Variants in FANCM observed in about 807,000 individuals in gnomAD.
The protein encoded by FANCM is FA complementation group M.
Under a neutral mutation model 199.5 loss-of-function variants are expected in FANCM, and 140 were observed. That is an observed-to-expected ratio of 0.70 (90% confidence interval 0.61 to 0.81). The LOEUF is 0.81. FANCM is among the 30% of genes least tolerant of loss of function. The pLI is 0.00. For synonymous variants in FANCM, 840 were observed against 836.8 expected (o/e 1.00, Z -0.07); for missense variants, 2,410 against 2,421.4 (o/e 1.00, Z 0.10).
chr14:45,170,773 CT>C (rs748836838), intron 12 of FANCM, 27 bp downstream of exon 12: 57 of 1,587,810 alleles, frequency 3.6e-5, no homozygotes, highest in South Asian at 2.0e-4. Flanking sequence ...TTCAGATGTT[CT>C]TTTCCCCCCC....
At chr14:45,194,214 A>G (rs1889930211) in intron 20 of FANCM, among the ~76,000 whole-genome samples, 1 of 151,434 alleles carries the variant, frequency 6.6e-6, no homozygotes. Flanking sequence ...AGGCAGGAGA[A>G]TGGCTTGAAC....
rs764193249 is a variant in FANCM at position 45,200,043 on chromosome 14, T to A, written c.*35T>A. On this transcript the variant is annotated 3_prime_UTR_variant, in exon 23 of 23. Transcript: ENST00000267430. ...TCAAGATGGGGTTTTCAAAGACCTC[T>A]CACAATATTAAATGCACTTCAATAA... 1 of 1,514,216 alleles carries A rather than the reference T, an allele frequency of 6.6e-7. No individual in the cohort carries two copies. Among genetic ancestry groups the A allele is most frequent in the East Asian group, 2.3e-5 (1 of 43,754 alleles). 93.8% of individuals were successfully genotyped at this position (1,514,216 alleles called of 1,614,324 possible). A position where few individuals can be genotyped will look rare whatever the true frequency, so the allele number is the denominator to read the frequency against.
At position 45,161,607 on chromosome 14, in the gene FANCM, T is replaced by C. The variant is rs939815788; in HGVS notation, c.1581+2327T>C. On this transcript the variant is annotated intron_variant, in intron 9 of 22. Coordinates refer to ENST00000267430, the MANE Select transcript of FANCM (RefSeq NM_020937.4). The stretch of plus-strand genomic sequence containing the variant: ...CAACTAGGGCAACATGGTAAAACCT[T>C]ATCTCTACCAAAAATACAAAAATTA... 7.9e-5 allele frequency among the ~76,000 whole-genome samples: 12 copies of C among 152,156 alleles called. No homozygotes were observed. The East Asian group carries it at 2.3e-3, about 29-fold the overall frequency.
chr14:45,185,851 G>A lies in FANCM; in HGVS notation c.4672+478G>A, dbSNP rs1341265524. On this transcript the variant is annotated intron_variant, in intron 18 of 22. Transcript: ENST00000267430. ...GATGAGAAAAATTTGGAGTAACTGGGGTTGAGGGTATAAATAACAGACAAG... is the reference window on the plus strand; with the variant it reads ...GATGAGAAAAATTTGGAGTAACTGGAGTTGAGGGTATAAATAACAGACAAG... 5.9e-5 allele frequency among the ~76,000 whole-genome samples: 9 copies of A among 152,162 alleles called. No individual in the cohort carries two copies. The Middle Eastern group carries it at 0.014, about 230-fold the overall frequency.
intron 21 of FANCM, 108 bp from the exon 22 acceptor site, chr14:45,198,536 G>A: frequency 1.5e-6 from 1 of 671,100 alleles, no homozygotes; most frequent in Non-Finnish European, 2.4e-6. Context: ...TGTGGCACCA[G>A]TTTGCTCAAT....
At chr14:45,187,426 A>T (rs1418637028) in intron 18 of FANCM, among the ~76,000 whole-genome samples, 2 of 151,880 alleles carry the variant, frequency 1.3e-5, no homozygotes, top group Non-Finnish European at 2.9e-5. Flanking sequence ...TTCTGGCTAG[A>T]TTTCTTATTT....
At chr14:45,164,261 T>G (rs1252013809) in intron 9 of FANCM, 98 bp from the exon 10 acceptor site, 7 of 1,011,696 alleles carry the variant, frequency 6.9e-6, no homozygotes, top group African/African-American at 4.8e-5. Context: ...ATTTTTAATC[T>G]GATTTTACTA....
Position 45,183,839 on chromosome 14 carries a change from C to G in FANCM, c.4452C>G (p.Phe1484Leu), listed in dbSNP as rs143239291. ...AACCATGTTCACAATTAGAAGACTT[C>G]AAGGTTTGTAACGGGAATGCCAGAA... ...FPKPCSQLEDFKVCNGNARRG... is the reference protein window; with the variant it reads ...FPKPCSQLEDLKVCNGNARRG... The change falls in exon 17 of 23, where the codon TTC becomes TTG. Residue 1484 changes from phenylalanine to leucine, a missense_variant. Coordinates refer to ENST00000267430, the MANE Select transcript of FANCM (RefSeq NM_020937.4). The G allele has an allele frequency of 9.3e-6, 15 of 1,609,446 alleles. No homozygotes were observed. The highest frequency in any genetic ancestry group is 1.3e-5 in the African/African-American group (1 of 74,762).
chr14:45,187,939 A>G (rs1313248185), intron 19 of FANCM, 52 bp downstream of exon 19: 9 of 931,298 alleles, frequency 9.7e-6, no homozygotes, highest in Non-Finnish European at 1.6e-5. Flanking sequence ...ATGTTGAAAT[A>G]TGTTCCTGTT....
At chr14:45,199,285 G>C (rs530932458) in intron 22 of FANCM, among the ~76,000 whole-genome samples, 28 of 152,138 alleles carry the variant, frequency 1.8e-4, no homozygotes, top group Admixed American at 1.0e-3. Context: ...TCATTATATT[G>C]CTTGAAGAGG....
chr14:45,194,701 T>A (rs1889963964), intron 20 of FANCM, among the ~76,000 whole-genome samples: 1 of 152,204 alleles, frequency 6.6e-6, no homozygotes. Flanking sequence ...CATGTTTGTA[T>A]CCTCTTAAAT....
At position 45,155,444 on chromosome 14, in the gene FANCM, T is replaced by A. The variant is rs1887114828; in HGVS notation, c.1381T>A (p.Phe461Ile). 3 of 1,485,082 alleles carry A rather than the reference T, an allele frequency of 2.0e-6. No individual in the cohort carries two copies. In the East Asian group the frequency reaches 6.8e-5, roughly 34 times the overall value. The allele number at this position is 1,485,082 out of a possible 1,614,324, so 92.0% of individuals were successfully genotyped here. A position where few individuals can be genotyped will look rare whatever the true frequency, so the allele number is the denominator to read the frequency against. Reference sequence around the variant, plus strand: ...ATTAGAAGAAGTTGTAATTGAACACTTCAAGTCATGGAATGGTAGGTCATA... The same window carrying A: ...ATTAGAAGAAGTTGTAATTGAACACATCAAGTCATGGAATGGTAGGTCATA... ...KKLEEVVIEH[F>I]KSWNAENTTE... is the part of the protein sequence containing the mutation. The change falls in exon 8 of 23, where the codon TTC (phenylalanine) becomes ATC (isoleucine). Residue 461 changes from phenylalanine to isoleucine, a missense_variant. By Grantham distance (21) the Phe-to-Ile change is conservative (BLOSUM62 0). Transcript: ENST00000267430.
intron 10 of FANCM, among the ~76,000 whole-genome samples, chr14:45,165,249 C>G (rs1047490526): frequency 6.6e-6 from 1 of 152,150 alleles, no homozygotes; most frequent in East Asian, 1.9e-4. Flanking sequence ...TCTTAACAGC[C>G]ATGATAATTT....
intron 8 of FANCM, among the ~76,000 whole-genome samples, chr14:45,157,748 G>C (rs1887298389): frequency 6.6e-6 from 1 of 152,156 alleles, no homozygotes; most frequent in African/African-American, 2.4e-5. Flanking sequence ...TGGAACAGCT[G>C]CTTCTTCAAG....
chr14:45,151,543 A>G lies in FANCM; in HGVS notation c.1050+15A>G. The stretch of plus-strand genomic sequence containing the variant: ...CGAATATTGTGGTAGGTATTTTTAA[A>G]TAAATTTTGATGACAGATTAAATTT... On this transcript the variant is annotated intron_variant, in intron 5 of 22. Transcript: ENST00000267430. 1 of 1,605,502 alleles carries G rather than the reference A, an allele frequency of 6.2e-7. No individual in the cohort carries two copies. Among genetic ancestry groups the G allele is most frequent in the Non-Finnish European group, 8.5e-7 (1 of 1,172,538 alleles).
chr14:45,170,639 T>G lies in FANCM; in HGVS notation c.2053T>G (p.Phe685Val), dbSNP rs772645088. The G allele has an allele frequency of 6.2e-6, 10 of 1,603,374 alleles. No individual in the cohort carries two copies. Among genetic ancestry groups the G allele is most frequent in the African/African-American group, 1.3e-5 (1 of 74,650 alleles). Residue 685 changes from phenylalanine (F) to valine (V), a missense_variant, in exon 12 of 23, where the codon TTT (phenylalanine) becomes GTT (valine). Physicochemically the swap from Phe to Val is conservative, Grantham distance 50. Transcript: ENST00000267430. The part of the protein sequence containing the change: ...KKDWFLSEEE[F>V]KLWNRLYRLR... ...AGATTGGTTCTTATCAGAAGAAGAA[T>G]TTAAATTATGGAACAGACTTTATAG...
At chr14:45,164,678 G>T in intron 10 of FANCM, 113 bp downstream of exon 10, 1 of 860,866 alleles carries the variant, frequency 1.2e-6, no homozygotes, top group Middle Eastern at 3.4e-4. Context: ...GATAGTTTTG[G>T]TTTATTTTCC....
intron 3 of FANCM, among the ~76,000 whole-genome samples, chr14:45,146,822 G>A (rs1437290436): frequency 2.8e-5 from 3 of 105,496 alleles, no homozygotes; most frequent in Non-Finnish European, 5.1e-5. Context: ...GACAGAGCAA[G>A]ACTCTGTCTC....
intron 3 of FANCM, among the ~76,000 whole-genome samples, chr14:45,143,130 G>A (rs1208582607): frequency 6.7e-6 from 1 of 149,298 alleles, no homozygotes; most frequent in Non-Finnish European, 1.5e-5. Context: ...AGCTTTGTCT[G>A]TTAGGAGCTC....
Sources: allele counts gnomAD v4.1 joint callset (sites outside exome capture counted in the v4.1 genomes callset), GRCh38; gene constraint gnomAD v4.1.1; transcripts MANE v1.5; gene names NCBI Gene and HGNC (gene_info 2026-07-23, HGNC 2026-07-21).